Variants in ENTREP2 observed in about 807,000 individuals in gnomAD.
The protein encoded by ENTREP2 is protein ENTREP2.
At chr15:29,650,286 G>A in the ENTREP2 span, among the ~76,000 whole-genome samples, 1 of 152,152 alleles carries the variant, frequency 6.6e-6, no homozygotes, top group Non-Finnish European at 1.5e-5. Flanking sequence ...ACTTGGTGAG[G>A]TGTTACTACT....
At chr15:29,230,066 G>A in the ENTREP2 span, among the ~76,000 whole-genome samples, 1 of 151,994 alleles carries the variant, frequency 6.6e-6, no homozygotes, top group Non-Finnish European at 1.5e-5. Flanking sequence ...AAGACACCTG[G>A]ATATCATACT....
At chr15:29,657,046 G>A in the ENTREP2 span, among the ~76,000 whole-genome samples, 2 of 152,068 alleles carry the variant, frequency 1.3e-5, no homozygotes, top group Non-Finnish European at 1.5e-5. Context: ...CGTGGTGAGT[G>A]TTACAGCTCT....
chr15:29,177,173 T>C, the ENTREP2 span, among the ~76,000 whole-genome samples: 1 of 152,142 alleles, frequency 6.6e-6, no homozygotes, highest in Non-Finnish European at 1.5e-5. Flanking sequence ...GGATTCCCTC[T>C]GGGAGCGGCT....
the ENTREP2 span, among the ~76,000 whole-genome samples, chr15:29,429,966 C>T: frequency 5.3e-5 from 8 of 152,186 alleles, no homozygotes; most frequent in African/African-American, 1.2e-4. Context: ...TAGGGCTGGG[C>T]GCAGACTTTC....
At chr15:29,556,968 G>A in the ENTREP2 span, among the ~76,000 whole-genome samples, 2 of 152,222 alleles carry the variant, frequency 1.3e-5, no homozygotes, top group South Asian at 2.1e-4. Flanking sequence ...ACCTGGGAGT[G>A]CATAATGCTC....
At chr15:29,345,235 T>C in the ENTREP2 span, among the ~76,000 whole-genome samples, 6 of 152,178 alleles carry the variant, frequency 3.9e-5, no homozygotes, top group Non-Finnish European at 8.8e-5. Flanking sequence ...AAGCTGTCTC[T>C]AGAGGCTGTA....
chr15:29,255,987 C>A, the ENTREP2 span, among the ~76,000 whole-genome samples: 3 of 121,084 alleles, frequency 2.5e-5, no homozygotes, highest in Non-Finnish European at 5.0e-5. Context: ...AGCGACAGAG[C>A]GAGAGTCCGT....
At chr15:29,252,505 A>T in the ENTREP2 span, 1 of 1,402,170 alleles carries the variant, frequency 7.1e-7, no homozygotes, top group East Asian at 2.5e-5. Flanking sequence ...CATAAAATTG[A>T]TTATTCACTT....
At chr15:29,128,873 A>T in the ENTREP2 span, 1 of 1,547,074 alleles carries the variant, frequency 6.5e-7, no homozygotes, top group Non-Finnish European at 8.7e-7. Context: ...ACCTACAGTA[A>T]GAAACAGAAA....
chr15:29,170,890 T>G, the ENTREP2 span, among the ~76,000 whole-genome samples: 1 of 152,228 alleles, frequency 6.6e-6, no homozygotes, highest in African/African-American at 2.4e-5. Flanking sequence ...AATAACAGAC[T>G]GGGTAATTTA....
the ENTREP2 span, among the ~76,000 whole-genome samples, chr15:29,434,470 C>T: frequency 6.6e-6 from 1 of 152,108 alleles, no homozygotes; most frequent in African/African-American, 2.4e-5. Flanking sequence ...GTTCAGTGTC[C>T]CACACTAATC....
the ENTREP2 span, among the ~76,000 whole-genome samples, chr15:29,349,505 T>C: frequency 6.6e-6 from 1 of 152,206 alleles, no homozygotes; most frequent in African/African-American, 2.4e-5. Flanking sequence ...ATAAATGATA[T>C]TGCAATTTAG....
the ENTREP2 span, among the ~76,000 whole-genome samples, chr15:29,329,219 C>G: frequency 4.6e-5 from 7 of 151,652 alleles, no homozygotes; most frequent in East Asian, 1.4e-3. Context: ...AAAAATTAGC[C>G]GGGCATGGTG....
the ENTREP2 span, among the ~76,000 whole-genome samples, chr15:29,298,261 C>T: frequency 6.6e-6 from 1 of 151,592 alleles, no homozygotes; most frequent in African/African-American, 2.4e-5. Context: ...AATTTATAGC[C>T]CTGAGAGCAT....
the ENTREP2 span, among the ~76,000 whole-genome samples, chr15:29,474,030 C>CA: frequency 6.6e-6 from 1 of 152,220 alleles, no homozygotes; most frequent in African/African-American, 2.4e-5. Flanking sequence ...CCCCCATCTA[C>CA]AGCCTTCAAT....
chr15:29,489,049 G>A, the ENTREP2 span, among the ~76,000 whole-genome samples: 2 of 152,128 alleles, frequency 1.3e-5, no homozygotes, highest in Non-Finnish European at 1.5e-5. Context: ...AGAGGGAGTG[G>A]TTACACAACG....
chr15:29,566,478 T>C, the ENTREP2 span, among the ~76,000 whole-genome samples: 2,509 of 148,324 alleles, frequency 0.017, 81 homozygotes, highest in African/African-American at 0.06. Flanking sequence ...TTTTTTGAGA[T>C]GGAGTTTCAC....
chr15:29,427,516 G>C, the ENTREP2 span, among the ~76,000 whole-genome samples: 2 of 152,188 alleles, frequency 1.3e-5, no homozygotes, highest in Non-Finnish European at 2.9e-5. Flanking sequence ...AGCTCCAGGG[G>C]AGAGTCCCTT....
the ENTREP2 span, among the ~76,000 whole-genome samples, chr15:29,289,800 C>T: frequency 5.9e-5 from 9 of 151,932 alleles, no homozygotes; most frequent in East Asian, 1.9e-4. Flanking sequence ...GAGCCAAGAT[C>T]GCACCACTGC....
Sources: allele counts gnomAD v4.1 joint callset (sites outside exome capture counted in the v4.1 genomes callset), GRCh38; gene constraint gnomAD v4.1.1; transcripts MANE v1.5; gene names NCBI Gene and HGNC (gene_info 2026-07-23, HGNC 2026-07-21).